Variants in XKR6 observed in about 807,000 individuals in gnomAD.
XKR6 encodes the protein XK-related protein 6.
In XKR6, 22 loss-of-function variants were observed where a neutral mutation model predicts 56.7. The observed-to-expected ratio is 0.39, with a 90% confidence interval of 0.28 to 0.55. The LOEUF (loss-of-function observed/expected upper bound fraction) is 0.55. Among genes scored for constraint, XKR6 ranks in the 20% least tolerant of loss-of-function variants. The pLI is 0.66. For synonymous variants in XKR6, 524 were observed against 387.8 expected (o/e 1.35, Z -4.13); for missense variants, 852 against 889.0 (o/e 0.96, Z 0.53).
chr8:11,057,902 A>C (rs1799726553), intron 1 of XKR6, among the ~76,000 whole-genome samples: 1 of 152,254 alleles, frequency 6.6e-6, no homozygotes, highest in Non-Finnish European at 1.5e-5. Context: ...CGCATCTGAC[A>C]GACATTGAAG....
chr8:11,052,646 G>C (rs1586481032), intron 1 of XKR6, among the ~76,000 whole-genome samples: 1 of 152,030 alleles, frequency 6.6e-6, no homozygotes, highest in African/African-American at 2.4e-5. Context: ...CTCTCCCCCT[G>C]GTTTTCTCTC....
At chr8:10,971,187 C>G (rs903134072) in intron 1 of XKR6, among the ~76,000 whole-genome samples, 11 of 151,612 alleles carry the variant, frequency 7.3e-5, no homozygotes, top group Non-Finnish European at 1.6e-4. Flanking sequence ...TTTGGGAGGC[C>G]GAGGTGGGCG....
intron 1 of XKR6, among the ~76,000 whole-genome samples, chr8:10,985,773 G>T (rs1180913779): frequency 6.6e-6 from 1 of 152,084 alleles, no homozygotes; most frequent in East Asian, 1.9e-4. Flanking sequence ...TTTATTAGAA[G>T]CATGAGAACA....
intron 1 of XKR6, among the ~76,000 whole-genome samples, chr8:10,987,440 C>T (rs1214091836): frequency 1.3e-5 from 2 of 152,178 alleles, no homozygotes; most frequent in African/African-American, 2.4e-5. Context: ...TCACACACCC[C>T]ATATCCAATG....
chr8:11,145,042 A>AGGGGGGGGAGGG (rs1800911001), intron 1 of XKR6, among the ~76,000 whole-genome samples: 1 of 128,912 alleles, frequency 7.8e-6, no homozygotes, highest in Non-Finnish European at 1.6e-5. Context: ...GGAGAGAAAG[A>AGGGGGGGGAGGG]AGGGAGGGAG....
chr8:11,174,664 T>A lies in XKR6; in HGVS notation c.764+25912A>T, dbSNP rs369075164. On this transcript the variant is annotated intron_variant, in intron 1 of 2. Transcript: ENST00000416569. ...CGACTGTTACAAAGAGCACCAAGTG[T>A]CTTCCTCTGGTTACTTACCAACCAC... Among the ~76,000 whole-genome samples the A allele has an allele frequency of 2.1e-4, 32 of 152,212 alleles. 1 individual carries two copies. Among genetic ancestry groups the A allele is most frequent in the African/African-American group, 7.5e-4 (31 of 41,536 alleles).
At chr8:10,944,899 G>A (rs1801490620) in intron 1 of XKR6, among the ~76,000 whole-genome samples, 4 of 152,228 alleles carry the variant, frequency 2.6e-5, no homozygotes, top group Admixed American at 2.6e-4. Context: ...GCGTGTCTGA[G>A]AACGCAGGGA....
chr8:11,045,930 A>C (rs1431420370), intron 1 of XKR6, among the ~76,000 whole-genome samples: 1 of 152,228 alleles, frequency 6.6e-6, no homozygotes, highest in African/African-American at 2.4e-5. Context: ...AATAACAGAA[A>C]ATCCCAAGTG....
rs374988427 is a variant in XKR6, at chr8:11,035,314, G to A, written c.765-110484C>T. 7.7e-5 allele frequency: 41 copies of A among 534,774 alleles called. 1 individual carries two copies. The highest frequency in any genetic ancestry group is 2.7e-4 in the East Asian group (5 of 18,358). 33.1% of individuals were successfully genotyped at this position (534,774 alleles called of 1,614,324 possible). A position where few individuals can be genotyped will look rare whatever the true frequency, so the allele number is the denominator to read the frequency against. ...CAGCATCATCAAGCCATCTTCCTGC[G>A]TTGTGGCAGCTTGGGCCCCCACTGG... On this transcript the variant is annotated intron_variant, in intron 1 of 2. Transcript: ENST00000416569.
intron 1 of XKR6, among the ~76,000 whole-genome samples, chr8:11,127,900 G>A (rs527927382): frequency 1.2e-4 from 19 of 152,282 alleles, no homozygotes; most frequent in African/African-American, 4.1e-4. Context: ...GAAGCAATAC[G>A]ATTTTATCTT....
chr8:10,991,501 C>T (rs534798995), intron 1 of XKR6, among the ~76,000 whole-genome samples: 6 of 152,190 alleles, frequency 3.9e-5, no homozygotes, highest in South Asian at 2.1e-4. Context: ...ATGTTAAGGC[C>T]GGAACACGAT....
rs148099830 is a variant in XKR6 at position 10,997,518 on chromosome 8, A to G, written c.765-72688T>C. Among the ~76,000 whole-genome samples, 373 of 152,318 alleles carry G rather than the reference A, an allele frequency of 2.4e-3. 2 individuals are homozygous for G. Among genetic ancestry groups the G allele is most frequent in the African/African-American group, 7.8e-3 (326 of 41,580 alleles). The stretch of plus-strand genomic sequence containing the variant: ...TTCTAGCTGGTGAGATAGCCATAGG[A>G]AAAAATGATTAAGATGCATGTACAG... On this transcript the variant is annotated intron_variant, in intron 1 of 2. Coordinates refer to ENST00000416569, the MANE Select transcript of XKR6 (RefSeq NM_173683.4).
At chr8:10,924,529 G>A in intron 2 of XKR6, 105 bp downstream of exon 2, 1 of 1,390,456 alleles carries the variant, frequency 7.2e-7, no homozygotes, top group Non-Finnish European at 9.7e-7. Flanking sequence ...GGGCAGGATG[G>A]GCAATGCCCA....
At chr8:11,100,307 G>C (rs187239839) in intron 1 of XKR6, among the ~76,000 whole-genome samples, 2 of 152,172 alleles carry the variant, frequency 1.3e-5, no homozygotes, top group South Asian at 2.1e-4. Context: ...TACCCACTTC[G>C]ACCTCCCAAA....
chr8:11,067,400 G>C (rs935608888), intron 1 of XKR6, among the ~76,000 whole-genome samples: 3 of 152,330 alleles, frequency 2.0e-5, no homozygotes, highest in African/African-American at 4.8e-5. Flanking sequence ...ACTTCTCCTC[G>C]AAGCATCAGA....
intron 1 of XKR6, among the ~76,000 whole-genome samples, chr8:11,085,440 GTGTGTGTGTGTGTGTGTATGTATGTGCA>G (rs1797854055): frequency 7.0e-6 from 1 of 143,456 alleles, no homozygotes; most frequent in African/African-American, 2.8e-5. Flanking sequence ...GGTGAAAGAG[GTGTGTGTGTGTGTGTGTATGTATGTGCA>G]TGTGTGTGTG....
chr8:11,058,174 T>A (rs959899470), intron 1 of XKR6, among the ~76,000 whole-genome samples: 2 of 152,148 alleles, frequency 1.3e-5, no homozygotes, highest in Non-Finnish European at 2.9e-5. Flanking sequence ...TAAGTCGGAA[T>A]GGGTGAATTT....
At chr8:10,899,032 A>G (rs1242474446) in intron 2 of XKR6, 116 bp from the exon 3 acceptor site, 2 of 1,443,270 alleles carry the variant, frequency 1.4e-6, no homozygotes, top group Non-Finnish European at 1.8e-6. Context: ...GAGGAGGGAG[A>G]AAGAAACACA....
intron 1 of XKR6, among the ~76,000 whole-genome samples, chr8:11,173,163 G>A (rs1157396077): frequency 6.7e-6 from 1 of 149,388 alleles, no homozygotes; most frequent in Middle Eastern, 3.2e-3. Flanking sequence ...GTGAAACCCC[G>A]TCTCCACTAA....
Sources: allele counts gnomAD v4.1 joint callset (sites outside exome capture counted in the v4.1 genomes callset), GRCh38; gene constraint gnomAD v4.1.1; transcripts MANE v1.5; gene names NCBI Gene and HGNC (gene_info 2026-07-23, HGNC 2026-07-21).